ERC1: variants seen among roughly 807,000 people sequenced by gnomAD.
ERC1 encodes ELKS/RAB6-interacting/CAST family member 1.
A neutral mutation model predicts 132.0 loss-of-function variants in ERC1; 56 were observed. The observed-to-expected ratio is 0.42, with a 90% confidence interval of 0.34 to 0.53. ERC1 has a LOEUF of 0.53. Among genes scored for constraint, ERC1 ranks in the 20% least tolerant of loss-of-function variants. ERC1 has a pLI of 0.03. For synonymous variants in ERC1, 478 were observed against 476.1 expected, an observed-to-expected ratio of 1.00 and a Z score of -0.05; for missense variants, 1,202 against 1,349.9, an observed-to-expected ratio of 0.89 and a Z score of 1.72.
At chr12:1,190,140 A>T in intron 12 of ERC1, 88 bp downstream of exon 12, 1 of 1,173,186 alleles carries the variant, frequency 8.5e-7, no homozygotes, top group Non-Finnish European at 1.3e-6. Context: ...CAGTGTATCT[A>T]ACTCTGAATT....
At chr12:1,235,125 G>C (rs1189515411) in intron 12 of ERC1, among the ~76,000 whole-genome samples, 1 of 152,220 alleles carries the variant, frequency 6.6e-6, no homozygotes, top group Non-Finnish European at 1.5e-5. Context: ...TCCCAACACT[G>C]GGAGGCAGAG....
At chr12:1,318,014 G>A (rs1156437376) in intron 15 of ERC1, among the ~76,000 whole-genome samples, 6 of 152,002 alleles carry the variant, frequency 3.9e-5, no homozygotes, top group African/African-American at 1.5e-4. Context: ...ACCTAATCCT[G>A]AAATAGTAAA....
intron 1 of ERC1, chr12:991,798 G>C (rs1343486868): frequency 1.3e-5 from 2 of 152,322 alleles, no homozygotes; most frequent in African/African-American, 4.8e-5. Context: ...TGGGTTAGGT[G>C]AGTGATGTAA....
intron 15 of ERC1, among the ~76,000 whole-genome samples, chr12:1,338,669 A>C (rs1258890897): frequency 6.6e-6 from 1 of 151,514 alleles, no homozygotes; most frequent in Non-Finnish European, 1.5e-5. Flanking sequence ...TTCTGGGGTA[A>C]TGTTTGTTCA....
At chr12:1,206,903 C>T (rs187210096) in intron 12 of ERC1, among the ~76,000 whole-genome samples, 29 of 152,184 alleles carry the variant, frequency 1.9e-4, no homozygotes, top group Admixed American at 1.6e-3. Context: ...AGAGGTTGCA[C>T]ATTTTTTGTG....
At chr12:1,141,219 T>C (rs1949834531) in intron 7 of ERC1, among the ~76,000 whole-genome samples, 1 of 152,226 alleles carries the variant, frequency 6.6e-6, no homozygotes, top group Admixed American at 6.5e-5. Flanking sequence ...TCATAGCCTA[T>C]GACTAGACTG....
intron 15 of ERC1, among the ~76,000 whole-genome samples, chr12:1,310,209 TTTTTA>T (rs71055144): frequency 1.5e-4 from 23 of 151,320 alleles, no homozygotes; most frequent in East Asian, 1.9e-4. Flanking sequence ...AAACAGTTCT[TTTTTA>T]TTTTATTTTA....
At chr12:1,220,767 T>C (rs1413400766) in intron 12 of ERC1, among the ~76,000 whole-genome samples, 2 of 152,222 alleles carry the variant, frequency 1.3e-5, no homozygotes, top group Non-Finnish European at 2.9e-5. Context: ...AAATATTTGC[T>C]CTCTGATCCT....
intron 8 of ERC1, among the ~76,000 whole-genome samples, chr12:1,173,506 C>T (rs1330306085): frequency 6.6e-6 from 1 of 152,150 alleles, no homozygotes; most frequent in Non-Finnish European, 1.5e-5. Flanking sequence ...TCTGAACAAT[C>T]ATTTTTATCT....
chr12:1,460,547 C>A (rs1422219635), intron 18 of ERC1, among the ~76,000 whole-genome samples: 1 of 152,166 alleles, frequency 6.6e-6, no homozygotes, highest in East Asian at 1.9e-4. Context: ...GTAAACATTA[C>A]AAGAAGGCAG....
chr12:1,204,553 C>T (rs748144323), intron 12 of ERC1: 21 of 1,565,674 alleles, frequency 1.3e-5, no homozygotes, highest in East Asian at 9.0e-5. Context: ...TGTGATTGAG[C>T]GTTGTTTGCG....
At chr12:1,295,122 C>T (rs1305625455) in intron 15 of ERC1, among the ~76,000 whole-genome samples, 1 of 152,186 alleles carries the variant, frequency 6.6e-6, no homozygotes, top group Non-Finnish European at 1.5e-5. Context: ...TTTAAAAAAG[C>T]ACGTTGAAGT....
chr12:1,342,155 A>G (rs1279464150), intron 15 of ERC1, among the ~76,000 whole-genome samples: 2 of 152,018 alleles, frequency 1.3e-5, no homozygotes, highest in Non-Finnish European at 2.9e-5. Flanking sequence ...AAGTAAAGAT[A>G]AAATTCAGTA....
intron 15 of ERC1, among the ~76,000 whole-genome samples, chr12:1,317,366 G>A (rs762437650): frequency 9.2e-5 from 14 of 151,712 alleles, no homozygotes; most frequent in Non-Finnish European, 1.5e-4. Context: ...AGAACACATG[G>A]ACACAGGGAG....
At chr12:1,208,141 A>G (rs1957513839) in intron 12 of ERC1, among the ~76,000 whole-genome samples, 1 of 152,178 alleles carries the variant, frequency 6.6e-6, no homozygotes, top group South Asian at 2.1e-4. Flanking sequence ...CAGAGATGAG[A>G]TGATTTACTT....
chr12:1,111,448 T>A (rs1252668594), intron 5 of ERC1, among the ~76,000 whole-genome samples: 1 of 152,196 alleles, frequency 6.6e-6, no homozygotes, highest in South Asian at 2.1e-4. Context: ...TGTGAAGGAA[T>A]GATAACATCA....
rs375235075 is a variant in ERC1, at chr12:1,219,612, CTG to C, written c.2352-17155_2352-17154del. Among the ~76,000 whole-genome samples, 112 of 151,022 alleles carry C rather than the reference CTG, an allele frequency of 7.4e-4. 1 individual carries two copies. The East Asian group carries it at 0.02, about 27-fold the overall frequency. ...TATCACTTCTGTACTAGTCCCATCT[CTG>C]TAGCAATCAGACTGAACTCTCTTTT... On this transcript the variant is annotated intron_variant, in intron 12 of 18. Coordinates refer to ENST00000360905, the MANE Select transcript of ERC1 (RefSeq NM_178040.4).
chr12:1,471,886 C>T (rs1221654341), intron 18 of ERC1, among the ~76,000 whole-genome samples: 1 of 152,202 alleles, frequency 6.6e-6, no homozygotes, highest in African/African-American at 2.4e-5. Flanking sequence ...GATCCACTAA[C>T]CACTGGCCAG....
intron 17 of ERC1, among the ~76,000 whole-genome samples, chr12:1,439,509 C>T (rs1021228096): frequency 6.6e-6 from 1 of 152,176 alleles, no homozygotes; most frequent in Non-Finnish European, 1.5e-5. Context: ...AATGTCTCAT[C>T]CCTTTTTATA....
Sources: gnomAD v4.1 joint callset for allele counts (sites outside exome capture counted in the v4.1 genomes callset) on GRCh38, gnomAD v4.1.1 for gene constraint, MANE v1.5 for transcripts, NCBI Gene and HGNC (gene_info 2026-07-23, HGNC 2026-07-21) for gene names.